TMEM196: variants seen among roughly 807,000 people sequenced by gnomAD.
TMEM196 encodes the protein transmembrane protein 196.
Under a neutral mutation model 20.0 loss-of-function variants are expected in TMEM196, and 17 were observed. That is an observed-to-expected ratio of 0.85 (90% CI 0.58 to 1.27). TMEM196 has a LOEUF of 1.27. Among genes scored for constraint, TMEM196 ranks in the 50% most tolerant of loss-of-function variants. The pLI, the probability that TMEM196 is intolerant of heterozygous loss-of-function variation, is 0.00. For synonymous variants in TMEM196, 113 were observed against 88.9 expected (o/e 1.27, Z -1.52); for missense variants, 267 against 223.0 (o/e 1.20, Z -1.26).
chr7:19,745,870 T>G (rs557154344), intron 1 of TMEM196, among the ~76,000 whole-genome samples: 2 of 151,622 alleles, frequency 1.3e-5, no homozygotes, highest in African/African-American at 4.8e-5. Context: ...TTAATAAAAA[T>G]TATGGTCTTT....
chr7:19,745,857 AT>A (rs1784733567), intron 1 of TMEM196, among the ~76,000 whole-genome samples: 2 of 151,472 alleles, frequency 1.3e-5, no homozygotes, highest in African/African-American at 2.4e-5. Context: ...TCTATGGGTT[AT>A]TTTAATAAAA....
intron 1 of TMEM196, among the ~76,000 whole-genome samples, chr7:19,763,262 C>T (rs1382072819): frequency 6.6e-6 from 1 of 152,106 alleles, no homozygotes; most frequent in Non-Finnish European, 1.5e-5. Flanking sequence ...ATTTCTTGGG[C>T]AATGTGGTTT....
In TMEM196 at chr7:19,772,680, T is replaced by C; in HGVS notation, c.17A>G (p.Gln6Arg). The part of the protein sequence containing the change: MCTSG[Q>R]IIGSLLVLSV... ...GAGCACCAAGAGGCTCCCAATAATC[T>C]GACCGCTGGTGCACATCCTTCCTCG... Residue 6 changes from glutamine (Q) to arginine (R), a missense_variant, in exon 1 of 5, where the codon CAG becomes CGG. Physicochemically the swap from Gln to Arg is conservative, Grantham distance 43 (BLOSUM62 1). Transcript: ENST00000405844. 6.6e-7 allele frequency: 1 copy of C among 1,524,502 alleles called. No individual in the cohort carries two copies. The highest frequency in any genetic ancestry group is 8.8e-7 in the Non-Finnish European group (1 of 1,132,132). 94.4% of individuals were successfully genotyped at this position (1,524,502 alleles called of 1,614,324 possible). A position where few individuals can be genotyped will look rare whatever the true frequency, so the allele number is the denominator to read the frequency against.
chr7:19,730,374 T>C (rs764342575), intron 1 of TMEM196, among the ~76,000 whole-genome samples: 63 of 152,234 alleles, frequency 4.1e-4, no homozygotes, highest in Non-Finnish European at 8.8e-4. Flanking sequence ...TCAGATTATC[T>C]ACCAAGGAGA....
At chr7:19,727,485 A>T (rs1443086990) in intron 2 of TMEM196, among the ~76,000 whole-genome samples, 1 of 152,208 alleles carries the variant, frequency 6.6e-6, no homozygotes, top group African/African-American at 2.4e-5. Flanking sequence ...TTTATACTTG[A>T]TTAAATATAA....
In TMEM196 at chr7:19,719,374, C is replaced by T. The variant is rs546319662; in HGVS notation, c.*2754G>A. 1.3e-5 allele frequency: 2 copies of T among 152,152 alleles called. No homozygotes were observed. Among genetic ancestry groups the T allele is most frequent in the Non-Finnish European group, 2.9e-5 (2 of 67,956 alleles). The allele number at this position is 152,152 out of a possible 1,614,324, so 9.4% of individuals were successfully genotyped here. ...TCAGTAGAGTTATCATTTCCTGTTC[C>T]ACTTCCAAACCATTGTGTGTGTGTA... On this transcript the variant is annotated 3_prime_UTR_variant, in exon 5 of 5. Transcript: ENST00000405844.
At chr7:19,728,068 A>T (rs1784061695) in intron 2 of TMEM196, among the ~76,000 whole-genome samples, 2 of 152,136 alleles carry the variant, frequency 1.3e-5, no homozygotes, top group Admixed American at 1.3e-4. Context: ...ATCAGATTTC[A>T]TCATTTTTTT....
At chr7:19,725,194 G>T (rs1023666002) in intron 3 of TMEM196, among the ~76,000 whole-genome samples, 1 of 152,186 alleles carries the variant, frequency 6.6e-6, no homozygotes, top group African/African-American at 2.4e-5. Context: ...GCATTATTGA[G>T]TGGAGAGTGT....
intron 1 of TMEM196, among the ~76,000 whole-genome samples, chr7:19,730,484 A>G (rs1268708244): frequency 6.6e-6 from 1 of 152,264 alleles, no homozygotes; most frequent in African/African-American, 2.4e-5. Context: ...CTAACTTGAA[A>G]TAGCTATATA....
intron 1 of TMEM196, among the ~76,000 whole-genome samples, chr7:19,755,954 G>A (rs1291502270): frequency 1.3e-5 from 2 of 151,896 alleles, no homozygotes; most frequent in African/African-American, 4.8e-5. Flanking sequence ...GCTTGAACCT[G>A]GTGGGCAGAG....
chr7:19,766,830 C>G (rs181330583), intron 1 of TMEM196, among the ~76,000 whole-genome samples: 3 of 151,858 alleles, frequency 2.0e-5, no homozygotes, highest in Admixed American at 2.0e-4. Flanking sequence ...TGCATGAAAA[C>G]CAAATGAATA....
intron 1 of TMEM196, among the ~76,000 whole-genome samples, chr7:19,767,805 C>T (rs748225258): frequency 6.6e-6 from 1 of 151,974 alleles, no homozygotes; most frequent in Non-Finnish European, 1.5e-5. Flanking sequence ...GTTAGAGACA[C>T]ACTAGTTTCA....
intron 1 of TMEM196, among the ~76,000 whole-genome samples, chr7:19,744,284 C>T (rs570614369): frequency 2.0e-4 from 31 of 152,202 alleles, no homozygotes; most frequent in Middle Eastern, 6.8e-3. Flanking sequence ...CAGCAATTTT[C>T]TTAGGCCTGT....
rs941939020 is a variant in TMEM196 at position 19,721,794 on chromosome 7, A to T, written c.*334T>A. Reference sequence around the variant, plus strand: ...CAAATAGTGTTTGTATAGAATATGCATTTTATTTCTGTTTTATTATCTCTT... The same window carrying T: ...CAAATAGTGTTTGTATAGAATATGCTTTTTATTTCTGTTTTATTATCTCTT... On this transcript the variant is annotated 3_prime_UTR_variant, in exon 5 of 5. Transcript: ENST00000405844. The T allele has an allele frequency of 2.2e-5, 7 of 319,636 alleles. No individual in the cohort carries two copies. The highest frequency in any genetic ancestry group is 1.8e-4 in the South Asian group (4 of 22,010). The allele number at this position is 319,636 out of a possible 1,614,324, so 19.8% of individuals were successfully genotyped here.
At chr7:19,744,322 T>C (rs1033187319) in intron 1 of TMEM196, among the ~76,000 whole-genome samples, 1 of 152,178 alleles carries the variant, frequency 6.6e-6, no homozygotes, top group Non-Finnish European at 1.5e-5. Flanking sequence ...TTAACACTTG[T>C]ATGTCTTTGT....
intron 1 of TMEM196, among the ~76,000 whole-genome samples, chr7:19,737,269 A>T (rs1380151111): frequency 6.6e-6 from 1 of 151,992 alleles, no homozygotes; most frequent in Non-Finnish European, 1.5e-5. Context: ...TGAAATACCA[A>T]GACGAATCTG....
chr7:19,757,277 G>A (rs1206894389), intron 1 of TMEM196, among the ~76,000 whole-genome samples: 2 of 145,898 alleles, frequency 1.4e-5, no homozygotes, highest in African/African-American at 5.1e-5. Context: ...AGGTTCAAGC[G>A]ATTCTCTCAT....
intron 1 of TMEM196, among the ~76,000 whole-genome samples, chr7:19,763,958 C>T (rs1785529532): frequency 1.3e-5 from 2 of 152,106 alleles, no homozygotes; most frequent in African/African-American, 2.4e-5. Flanking sequence ...AGAATACGAA[C>T]CCAGATCTTA....
At chr7:19,756,580 C>G (rs1467851271) in intron 1 of TMEM196, among the ~76,000 whole-genome samples, 1 of 151,964 alleles carries the variant, frequency 6.6e-6, no homozygotes, top group African/African-American at 2.4e-5. Context: ...TCCATATGTT[C>G]TTATCATTTA....
Sources: gnomAD v4.1 joint callset for allele counts (sites outside exome capture counted in the v4.1 genomes callset) on GRCh38, gnomAD v4.1.1 for gene constraint, MANE v1.5 for transcripts, NCBI Gene and HGNC (gene_info 2026-07-23, HGNC 2026-07-21) for gene names.